The following MAD1L1 variants were observed in gnomAD, a reference collection of about 807,000 sequenced individuals.
MAD1L1 encodes the protein mitotic spindle assembly checkpoint protein MAD1.
MAD1L1 carries 95 observed loss-of-function variants against 96.9 expected under a neutral mutation model. That is an observed-to-expected ratio of 0.98 (90% confidence interval 0.83 to 1.16). MAD1L1 has a LOEUF of 1.16. Among genes scored for constraint, MAD1L1 ranks in the 50% most tolerant of loss-of-function variants. MAD1L1 has a pLI of 0.00. For synonymous variants in MAD1L1, 473 were observed against 396.6 expected (o/e 1.19, Z -2.29); for missense variants, 1,007 against 954.4 (o/e 1.06, Z -0.73).
chr7:1,979,595 G>A (rs1433317112), intron 15 of MAD1L1, among the ~76,000 whole-genome samples: 2 of 152,352 alleles, frequency 1.3e-5, no homozygotes, highest in East Asian at 3.9e-4. Context: ...CCACAAGGCG[G>A]GGGAGAGGCA....
chr7:1,914,211 T>C (rs1788224253), intron 17 of MAD1L1, among the ~76,000 whole-genome samples: 1 of 152,010 alleles, frequency 6.6e-6, no homozygotes, highest in East Asian at 1.9e-4. Context: ...AAGGAGGAGA[T>C]GGCGCTGTGA....
intron 18 of MAD1L1, among the ~76,000 whole-genome samples, chr7:1,869,829 C>T (rs1784956999): frequency 6.6e-6 from 1 of 152,188 alleles, no homozygotes; most frequent in Non-Finnish European, 1.5e-5. Context: ...GACTGGGCTC[C>T]CGCAAGTGCC....
At position 1,925,380 on chromosome 7, in the gene MAD1L1, G is replaced by T. The variant is rs145020532; in HGVS notation, c.1807+11307C>A. ...GCAGGCATCCTAGTCTATTGGCGGC[G>T]CTATCACAGAATACCTGAGATTAAT... On this transcript the variant is annotated intron_variant, in intron 17 of 18. Coordinates refer to ENST00000265854, the MANE Select transcript of MAD1L1 (RefSeq NM_001013836.2). Among the ~76,000 whole-genome samples the T allele has an allele frequency of 8.2e-3, 1,250 of 152,260 alleles. 16 individuals are homozygous for T. Among genetic ancestry groups the T allele is most frequent in the African/African-American group, 0.029 (1,211 of 41,536 alleles).
intron 18 of MAD1L1, among the ~76,000 whole-genome samples, chr7:1,893,432 C>T (rs910592893): frequency 6.6e-6 from 1 of 152,210 alleles, no homozygotes; most frequent in Non-Finnish European, 1.5e-5. Flanking sequence ...CCTGAAGAAT[C>T]ATTTGGGGGA....
At chr7:2,048,266 G>A (rs1784023497) in intron 12 of MAD1L1, among the ~76,000 whole-genome samples, 1 of 152,228 alleles carries the variant, frequency 6.6e-6, no homozygotes, top group Non-Finnish European at 1.5e-5. Context: ...GGTGTAGAGG[G>A]ACTCGGAGAA....
At chr7:2,232,439 C>T (rs1158842899) in intron 1 of MAD1L1, among the ~76,000 whole-genome samples, 1 of 152,210 alleles carries the variant, frequency 6.6e-6, no homozygotes. Flanking sequence ...CACCAGGATG[C>T]CAAGAGCCCC....
intron 18 of MAD1L1, among the ~76,000 whole-genome samples, chr7:1,892,252 G>A (rs556015501): frequency 6.6e-6 from 1 of 152,324 alleles, no homozygotes; most frequent in South Asian, 2.1e-4. Context: ...AAGGGTGCGG[G>A]AGGCTGCACG....
chr7:2,230,437 C>T (rs916099728), intron 2 of MAD1L1, 112 bp downstream of exon 2: 4 of 329,454 alleles, frequency 1.2e-5, no homozygotes, highest in Non-Finnish European at 2.3e-5. Flanking sequence ...GGGCTCAGCA[C>T]TCAGGTGGCA....
At chr7:2,012,053 A>T (rs1039043202) in intron 13 of MAD1L1, among the ~76,000 whole-genome samples, 5 of 152,308 alleles carry the variant, frequency 3.3e-5, no homozygotes, top group Admixed American at 1.3e-4. Flanking sequence ...GGAGACAGAC[A>T]GGAAGGGGAG....
chr7:2,101,047 C>G (rs533977699), intron 11 of MAD1L1, among the ~76,000 whole-genome samples: 2 of 152,356 alleles, frequency 1.3e-5, no homozygotes, highest in South Asian at 4.1e-4. Context: ...TCCCCATCAG[C>G]AAGAGGATGG....
intron 11 of MAD1L1, among the ~76,000 whole-genome samples, chr7:2,134,695 C>T (rs1281409099): frequency 6.6e-6 from 1 of 152,232 alleles, no homozygotes; most frequent in Non-Finnish European, 1.5e-5. Context: ...TTGTGTCCAG[C>T]AGCTGCACAC....
At chr7:2,113,354 T>C (rs1056787881) in intron 11 of MAD1L1, among the ~76,000 whole-genome samples, 3 of 152,066 alleles carry the variant, frequency 2.0e-5, no homozygotes, top group Admixed American at 1.3e-4. Context: ...CTGAGGTGGG[T>C]GGATCACCTG....
Position 1,865,631 on chromosome 7 carries a change from T to C in MAD1L1, c.1998+32569A>G, listed in dbSNP as rs578070849. ...TTAATACCATCACCTCAGTGTGGAA[T>C]TGAGGCCTCTTGGTAACCAGAGGCT... is the stretch of plus-strand genomic sequence containing the variant. On this transcript the variant is annotated intron_variant, in intron 18 of 18. Transcript: ENST00000265854. Among the ~76,000 whole-genome samples, 8 of 152,360 alleles carry C rather than the reference T, an allele frequency of 5.3e-5. No individual in the cohort carries two copies. In the South Asian group the frequency reaches 1.4e-3, roughly 28 times the overall value.
At chr7:2,054,841 G>A (rs1200640947) in intron 12 of MAD1L1, among the ~76,000 whole-genome samples, 1 of 152,230 alleles carries the variant, frequency 6.6e-6, no homozygotes, top group Non-Finnish European at 1.5e-5. Flanking sequence ...AACTTGAGCT[G>A]CGCTCGGCTG....
At chr7:1,909,194 G>A (rs1311150728) in intron 17 of MAD1L1, among the ~76,000 whole-genome samples, 1 of 152,150 alleles carries the variant, frequency 6.6e-6, no homozygotes, top group African/African-American at 2.4e-5. Flanking sequence ...GACGAGAGAC[G>A]ACCAAGGATC....
chr7:2,027,198 A>C (rs1783031502), intron 12 of MAD1L1, among the ~76,000 whole-genome samples: 1 of 152,198 alleles, frequency 6.6e-6, no homozygotes, highest in Admixed American at 6.5e-5. Context: ...AAGCTATTAA[A>C]ATAAATCAAG....
At chr7:1,902,673 G>A (rs1438753200) in intron 17 of MAD1L1, among the ~76,000 whole-genome samples, 4 of 77,964 alleles carry the variant, frequency 5.1e-5, no homozygotes, top group East Asian at 6.8e-4. Flanking sequence ...GCCTCAGGGT[G>A]CAGGGAACCG....
At chr7:1,950,448 C>T (rs560242223) in intron 16 of MAD1L1, among the ~76,000 whole-genome samples, 3 of 152,246 alleles carry the variant, frequency 2.0e-5, no homozygotes, top group Non-Finnish European at 2.9e-5. Context: ...GCCAATTACC[C>T]GGTGCTGGTA....
At chr7:1,904,352 C>T (rs1245101610) in intron 17 of MAD1L1, among the ~76,000 whole-genome samples, 2 of 143,318 alleles carry the variant, frequency 1.4e-5, no homozygotes, top group Non-Finnish European at 3.0e-5. Context: ...AGCAAGGATG[C>T]AGTGGCCTAT....
Sources: allele counts gnomAD v4.1 joint callset (sites outside exome capture counted in the v4.1 genomes callset), GRCh38; gene constraint gnomAD v4.1.1; transcripts MANE v1.5; gene names NCBI Gene and HGNC (gene_info 2026-07-23, HGNC 2026-07-21).